PDSS2: variants seen among roughly 807,000 people sequenced by gnomAD.
PDSS2 encodes the protein all trans-polyprenyl-diphosphate synthase PDSS2.
PDSS2 carries 31 observed loss-of-function variants against 44.5 expected under a neutral mutation model. The observed-to-expected ratio is 0.70, with a 90% CI of 0.52 to 0.94. PDSS2 has a LOEUF of 0.94. PDSS2 is among the 40% of genes least tolerant of loss of function. The pLI is 0.00. For missense variants in PDSS2, 452 were observed against 482.2 expected (o/e 0.94, Z 0.59); for synonymous variants, 157 against 180.3 (o/e 0.87, Z 1.03).
chr6:107,194,608 C>T (rs1283209605), intron 6 of PDSS2, among the ~76,000 whole-genome samples: 2 of 152,184 alleles, frequency 1.3e-5, no homozygotes, highest in African/African-American at 2.4e-5. Flanking sequence ...ATATTACATA[C>T]TCCATCAATT....
chr6:107,225,151 ATATATATATATTTTTT>A (rs1173979719), intron 4 of PDSS2, among the ~76,000 whole-genome samples: 13 of 51,424 alleles, frequency 2.5e-4, no homozygotes, highest in Non-Finnish European at 2.9e-4. Context: ...ATATATATAT[ATATATATATATTTTTT>A]TTTTTTTTTT....
chr6:107,430,607 C>T (rs925507578), intron 1 of PDSS2, among the ~76,000 whole-genome samples: 3 of 152,028 alleles, frequency 2.0e-5, no homozygotes, highest in African/African-American at 2.4e-5. Flanking sequence ...GTCAGGAGTT[C>T]CAGACCAGCC....
intron 1 of PDSS2, among the ~76,000 whole-genome samples, chr6:107,349,240 G>A (rs1778353766): frequency 6.6e-6 from 1 of 152,030 alleles, no homozygotes; most frequent in African/African-American, 2.4e-5. Flanking sequence ...AGACTATCCT[G>A]GCTAACACGG....
intron 1 of PDSS2, among the ~76,000 whole-genome samples, chr6:107,422,936 A>G (rs1466359450): frequency 6.6e-6 from 1 of 152,136 alleles, no homozygotes; most frequent in Non-Finnish European, 1.5e-5. Context: ...ACGATGCTAA[A>G]AGCACTACAT....
intron 1 of PDSS2, among the ~76,000 whole-genome samples, chr6:107,419,759 G>T (rs1452115651): frequency 6.6e-6 from 1 of 152,146 alleles, no homozygotes; most frequent in Non-Finnish European, 1.5e-5. Flanking sequence ...TCAAATGTGA[G>T]ATTCTAAGCT....
chr6:107,355,082 G>A (rs904455661), intron 1 of PDSS2, among the ~76,000 whole-genome samples: 1 of 152,018 alleles, frequency 6.6e-6, no homozygotes, highest in African/African-American at 2.4e-5. Flanking sequence ...ACAGGCATGC[G>A]CCACCACGCC....
intron 1 of PDSS2, among the ~76,000 whole-genome samples, chr6:107,432,649 G>A (rs1446539006): frequency 6.6e-6 from 1 of 152,116 alleles, no homozygotes; most frequent in Non-Finnish European, 1.5e-5. Flanking sequence ...GGTGGTGCAC[G>A]CCTGTGGCTG....
At chr6:107,220,159 T>A (rs115657072) in intron 4 of PDSS2, among the ~76,000 whole-genome samples, 2 of 152,230 alleles carry the variant, frequency 1.3e-5, no homozygotes, top group African/African-American at 4.8e-5. Context: ...AATGACTGTA[T>A]CACTTGATAA....
intron 1 of PDSS2, among the ~76,000 whole-genome samples, chr6:107,356,746 T>G (rs1041447075): frequency 6.6e-6 from 1 of 152,210 alleles, no homozygotes; most frequent in African/African-American, 2.4e-5. Context: ...CTGTCAGTGA[T>G]ATAAAACATT....
At position 107,243,004 on chromosome 6, in the gene PDSS2, T is replaced by A. The variant is rs149864355; in HGVS notation, c.702+2544A>T. 3.5e-3 allele frequency among the ~76,000 whole-genome samples: 528 copies of A among 152,346 alleles called. 2 individuals are homozygous for A. The highest frequency in any genetic ancestry group is 0.012 in the African/African-American group (510 of 41,582). On this transcript the variant is annotated intron_variant, in intron 4 of 7. Transcript: ENST00000369037. Reference sequence around the variant, plus strand: ...TAATGAAGGTTAGCATTCCTCTGAATCTCTGTATTTAAATAAAGTCAGCAA... The same window carrying A: ...TAATGAAGGTTAGCATTCCTCTGAAACTCTGTATTTAAATAAAGTCAGCAA...
In PDSS2 at chr6:107,451,539, A is replaced by G. The variant is rs372036970; in HGVS notation, c.296+7451T>C. 2.0e-5 allele frequency among the ~76,000 whole-genome samples: 3 copies of G among 152,148 alleles called. No individual in the cohort carries two copies. In the East Asian group the frequency reaches 5.8e-4, roughly 29 times the overall value. On this transcript the variant is annotated intron_variant, in intron 1 of 7. Coordinates refer to ENST00000369037, the MANE Select transcript of PDSS2 (RefSeq NM_020381.4). ...ACCCCTCGTAGCCTCTGGAATGTGCACAGACTTGTTGGTTCCTTGCTTCTT... is the reference window on the plus strand; with the variant it reads ...ACCCCTCGTAGCCTCTGGAATGTGCGCAGACTTGTTGGTTCCTTGCTTCTT...
intron 1 of PDSS2, among the ~76,000 whole-genome samples, chr6:107,372,246 G>C (rs541229388): frequency 2.0e-4 from 30 of 151,786 alleles, no homozygotes; most frequent in Non-Finnish European, 3.7e-4. Context: ...TTTCACCCTG[G>C]TTTTTGGTTT....
chr6:107,289,383 A>G (rs942419652), intron 2 of PDSS2, among the ~76,000 whole-genome samples: 54 of 149,638 alleles, frequency 3.6e-4, no homozygotes, highest in African/African-American at 1.0e-3. Flanking sequence ...AAAAAAAAAA[A>G]AAAGAAAGAA....
chr6:107,351,962 T>C (rs1400986191), intron 1 of PDSS2, among the ~76,000 whole-genome samples: 1 of 152,172 alleles, frequency 6.6e-6, no homozygotes, highest in African/African-American at 2.4e-5. Context: ...AATGAGCTAA[T>C]AAGACTTTTT....
At chr6:107,220,727 ATTAAT>A (rs1773574265) in intron 4 of PDSS2, among the ~76,000 whole-genome samples, 1 of 152,178 alleles carries the variant, frequency 6.6e-6, no homozygotes, top group Non-Finnish European at 1.5e-5. Context: ...CCAAGAAACG[ATTAAT>A]TTATAGTCCC....
chr6:107,218,284 A>G (rs997778200), intron 4 of PDSS2, among the ~76,000 whole-genome samples: 5 of 152,320 alleles, frequency 3.3e-5, no homozygotes, highest in African/African-American at 9.6e-5. Flanking sequence ...AACACAAACC[A>G]GAACTACAAT....
chr6:107,436,319 T>C (rs950327194), intron 1 of PDSS2, among the ~76,000 whole-genome samples: 2 of 152,096 alleles, frequency 1.3e-5, no homozygotes, highest in Non-Finnish European at 1.5e-5. Context: ...ATGAGCAACA[T>C]GAGAAGAGAA....
At chr6:107,437,071 C>T (rs963030024) in intron 1 of PDSS2, among the ~76,000 whole-genome samples, 13 of 152,002 alleles carry the variant, frequency 8.6e-5, no homozygotes, top group African/African-American at 2.9e-4. Flanking sequence ...ATGCTCATAG[C>T]TCACTGCACC....
At chr6:107,200,582 A>G (rs1772734473) in intron 6 of PDSS2, among the ~76,000 whole-genome samples, 1 of 152,160 alleles carries the variant, frequency 6.6e-6, no homozygotes, top group African/African-American at 2.4e-5. Flanking sequence ...TAAACTCCAT[A>G]AGTCTCGAGG....
Sources: gnomAD v4.1 joint callset for allele counts (sites outside exome capture counted in the v4.1 genomes callset) on GRCh38, gnomAD v4.1.1 for gene constraint, MANE v1.5 for transcripts, NCBI Gene and HGNC (gene_info 2026-07-23, HGNC 2026-07-21) for gene names.